The following NLRP1 variants were observed in gnomAD, a reference collection of about 807,000 sequenced individuals.
NLRP1 encodes the protein NLR family pyrin domain containing 1, also known as NACHT, LRR and PYD domains-containing protein 1.
In NLRP1, 94 loss-of-function variants were observed where a neutral mutation model predicts 136.7. The observed-to-expected ratio is 0.69, with a 90% CI of 0.58 to 0.82. NLRP1 has a LOEUF of 0.82. Among genes scored for constraint, NLRP1 ranks in the 40% least tolerant of loss-of-function variants. NLRP1 has a pLI of 0.00. For missense variants in NLRP1, 1,575 were observed against 1,802.7 expected, an observed-to-expected ratio of 0.87 and a Z score of 2.29; for synonymous variants, 690 against 725.1, an observed-to-expected ratio of 0.95 and a Z score of 0.78.
chr17:5,581,416 A>C (rs2151830171), intron 3 of NLRP1, among the ~76,000 whole-genome samples: 1 of 152,272 alleles, frequency 6.6e-6, no homozygotes, highest in South Asian at 2.1e-4. Flanking sequence ...GTGGTTGTAA[A>C]ATTTAAGTCC....
chr17:5,582,139 C>A, intron 2 of NLRP1, 77 bp from the exon 3 acceptor site: 1 of 1,186,836 alleles, frequency 8.4e-7, no homozygotes. Context: ...TAAACTCTCA[C>A]AACAGTCCTG....
At position 5,558,807 on chromosome 17, in the gene NLRP1, A is replaced by G. The variant is rs201519972; in HGVS notation, c.1889T>C (p.Phe630Ser). 3 of 1,614,216 alleles carry G rather than the reference A, an allele frequency of 1.9e-6. No homozygotes were observed. Among genetic ancestry groups the G allele is most frequent in the Non-Finnish European group, 2.5e-6 (3 of 1,180,020 alleles). Residue 630 changes from phenylalanine to serine, a missense_variant, in exon 4 of 17, where the codon TTT becomes TCT. Physicochemically the swap from Phe to Ser is radical, Grantham distance 155. Coordinates refer to ENST00000572272, the MANE Select transcript of NLRP1 (RefSeq NM_033004.4). Reference sequence around the variant, plus strand: ...CTCCAAGACATAGGACATTGCTGCAAAGAACTCTTGGAAACAGAGGTGAAT... The same window carrying G: ...CTCCAAGACATAGGACATTGCTGCAGAGAACTCTTGGAAACAGAGGTGAAT... The part of the protein sequence containing the change: ...SFIHLCFQEF[F>S]AAMSYVLEDE...
At chr17:5,554,825 C>T (rs1372324434) in intron 4 of NLRP1, among the ~76,000 whole-genome samples, 1 of 152,008 alleles carries the variant, frequency 6.6e-6, no homozygotes, top group Non-Finnish European at 1.5e-5. Flanking sequence ...AGTTTAAGAC[C>T]AGCCTGGGCA....
intron 8 of NLRP1, 134 bp downstream of exon 8, chr17:5,536,717 G>A: frequency 1.6e-6 from 1 of 623,144 alleles, no homozygotes; most frequent in South Asian, 1.9e-5. Flanking sequence ...ACTGACAAGT[G>A]CACCTCACTC....
rs181490356 is a variant in NLRP1 at position 5,563,479 on chromosome 17, A to C, written c.653-3436T>G. ...AATCTCACTACAAGAATTTCATAAT[A>C]CAATAGCAAGTATTAACAACAGGAT... On this transcript the variant is annotated intron_variant, in intron 3 of 16. Coordinates refer to ENST00000572272, the MANE Select transcript of NLRP1 (RefSeq NM_033004.4). Among the ~76,000 whole-genome samples, 128 of 152,386 alleles carry C rather than the reference A, an allele frequency of 8.4e-4. 1 individual carries two copies. The highest frequency in any genetic ancestry group is 1.4e-3 in the Admixed American group (22 of 15,308).
At position 5,507,728 on chromosome 17, in the gene NLRP1, G is replaced by C. The variant is rs956444972; in HGVS notation, c.4070-5856C>G. On this transcript the variant is annotated intron_variant, in intron 15 of 15. Transcript: ENST00000262467. ...AGTCCCAGTTACTGGAAACTCAGGAGGCTGAGGCAGGAGAATCGCTTGAAC... is the reference window on the plus strand; with the variant it reads ...AGTCCCAGTTACTGGAAACTCAGGACGCTGAGGCAGGAGAATCGCTTGAAC... Among the ~76,000 whole-genome samples, 3 of 152,370 alleles carry C rather than the reference G, an allele frequency of 2.0e-5. No homozygotes were observed. In the East Asian group the frequency reaches 5.8e-4, roughly 29 times the overall value.
intron 4 of NLRP1, among the ~76,000 whole-genome samples, chr17:5,557,626 G>T (rs143943312): frequency 1.3e-5 from 2 of 152,318 alleles, no homozygotes; most frequent in Admixed American, 6.5e-5. Flanking sequence ...CTTATGGAAT[G>T]AATCATCTAA....
chr17:5,545,756 C>T (rs905620265), intron 5 of NLRP1, among the ~76,000 whole-genome samples: 1 of 152,194 alleles, frequency 6.6e-6, no homozygotes, highest in Admixed American at 6.5e-5. Context: ...TGGCATCTCA[C>T]AGCTGAGGGC....
chr17:5,575,403 G>T (rs549229573), intron 3 of NLRP1, among the ~76,000 whole-genome samples: 280 of 152,214 alleles, frequency 1.8e-3, no homozygotes, highest in Non-Finnish European at 2.9e-3. Flanking sequence ...GACACACATA[G>T]GCTCAAAATA....
chr17:5,514,693 G>C lies in NLRP1; in HGVS notation c.*61C>G, dbSNP rs891157858. On this transcript the variant is annotated 3_prime_UTR_variant, in exon 17 of 17. Coordinates refer to ENST00000572272, the MANE Select transcript of NLRP1 (RefSeq NM_033004.4). ...CAACTTGTTTGCAGAGAAAGAAACT[G>C]AGACCCAAAGAAGGGTCAGCCAAAG... 6.3e-7 allele frequency: 1 copy of C among 1,588,510 alleles called. No homozygotes were observed. The highest frequency in any genetic ancestry group is 1.3e-5 in the African/African-American group (1 of 74,290).
At chr17:5,577,608 G>T (rs992428858) in intron 3 of NLRP1, among the ~76,000 whole-genome samples, 1 of 152,200 alleles carries the variant, frequency 6.6e-6, no homozygotes, top group Non-Finnish European at 1.5e-5. Context: ...TGAAATAAAA[G>T]AGGACACAAA....
chr17:5,511,532 T>C (rs1366967277), downstream of NLRP1, among the ~76,000 whole-genome samples: 1 of 151,856 alleles, frequency 6.6e-6, no homozygotes, highest in Non-Finnish European at 1.5e-5. Context: ...TTTCTCCTAC[T>C]CCAAGACTGG....
chr17:5,518,018 C>A, intron 14 of NLRP1, 131 bp from the exon 15 acceptor site: 1 of 785,306 alleles, frequency 1.3e-6, no homozygotes, highest in South Asian at 1.8e-5. Context: ...AATCAACCAT[C>A]ACCTTCAGAC....
intron 3 of NLRP1, among the ~76,000 whole-genome samples, chr17:5,565,336 A>G (rs1204159877): frequency 2.0e-5 from 3 of 151,982 alleles, no homozygotes; most frequent in Admixed American, 6.6e-5. Context: ...CGAATTTTAG[A>G]TTTTTTCCTA....
At chr17:5,539,686 A>G (rs1339495173) in intron 6 of NLRP1, 101 bp from the exon 7 acceptor site, 4 of 1,423,310 alleles carry the variant, frequency 2.8e-6, no homozygotes, top group Non-Finnish European at 3.7e-6. Context: ...TGGCCTTTTG[A>G]GGGTCTGGGA....
At chr17:5,525,220 C>T (rs8079834) in intron 12 of NLRP1, among the ~76,000 whole-genome samples, 8,970 of 152,262 alleles carry the variant, frequency 0.059, 317 homozygotes, top group Middle Eastern at 0.099. Flanking sequence ...CAAAAGCTTA[C>T]TGAGTACGGA....
intron 3 of NLRP1, among the ~76,000 whole-genome samples, chr17:5,560,582 AG>A (rs71151875): frequency 0.29 from 43,432 of 152,092 alleles, 7,914 homozygotes; most frequent in Non-Finnish European, 0.4. Flanking sequence ...CGGGTGGGCC[AG>A]AAATACTGGA....
In NLRP1 at chr17:5,541,017, C is replaced by A. The variant is rs1270158785; in HGVS notation, c.2699+840G>T. ...ATCAAGGGAGGAGGCCCAGCAGGACCAGGGAGAGGTAACTATGCACTCTTG... is the reference window on the plus strand; with the variant it reads ...ATCAAGGGAGGAGGCCCAGCAGGACAAGGGAGAGGTAACTATGCACTCTTG... On this transcript the variant is annotated intron_variant, in intron 6 of 16. Coordinates refer to ENST00000572272, the MANE Select transcript of NLRP1 (RefSeq NM_033004.4). The surrounding 1 kb of genome is among the most constrained non-coding windows in gnomAD (Gnocchi z 4.2). 6.6e-6 allele frequency among the ~76,000 whole-genome samples: 1 copy of A among 152,144 alleles called. No homozygotes were observed. The highest frequency in any genetic ancestry group is 1.9e-4 in the East Asian group (1 of 5,194).
At chr17:5,558,214 G>A in intron 4 of NLRP1, 125 bp downstream of exon 4, 1 of 964,148 alleles carries the variant, frequency 1.0e-6, no homozygotes, top group Non-Finnish European at 1.6e-6. Context: ...GAAGTCACTG[G>A]AGACCCTGAT....
Sources: allele counts gnomAD v4.1 joint callset (sites outside exome capture counted in the v4.1 genomes callset), GRCh38; gene constraint gnomAD v4.1.1; non-coding constraint Gnocchi (gnomAD v3.1); transcripts MANE v1.5; gene names NCBI Gene and HGNC (gene_info 2026-07-23, HGNC 2026-07-21).